The following FHIP1B variants were observed in gnomAD, a reference collection of about 807,000 sequenced individuals.
FHIP1B encodes FHF complex subunit HOOK interacting protein 1B.
FHIP1B carries 28 observed loss-of-function variants against 82.2 expected under a neutral mutation model. That is an observed-to-expected ratio of 0.34 (90% CI 0.25 to 0.47). The LOEUF (loss-of-function observed/expected upper bound fraction) is 0.47. Among genes scored for constraint, FHIP1B ranks in the 20% least tolerant of loss-of-function variants. The pLI, the probability that FHIP1B is intolerant of heterozygous loss-of-function variation, is 1.00. For synonymous variants in FHIP1B, 585 were observed against 516.1 expected (o/e 1.13, Z -1.81); for missense variants, 1,110 against 1,262.6 (o/e 0.88, Z 1.83).
At chr11:6,222,186 T>C (rs897123190) in intron 6 of FHIP1B, among the ~76,000 whole-genome samples, 4 of 152,072 alleles carry the variant, frequency 2.6e-5, no homozygotes, top group Non-Finnish European at 5.9e-5. Context: ...GCAAAACCTA[T>C]AGTCATGATG....
chr11:6,217,852 G>A lies in FHIP1B; in HGVS notation c.1734C>T (p.Gly578=), dbSNP rs765052657. The part of the protein sequence containing the change: ...ACRTWSAPYD[G]ERPSPEPSPF... ...GACTGGGCTCAGGAGAGGGCCGCTC[G>A]CCATCATAGGGGGCAGACCAGGTAC... Residue 578 remains glycine (G), a synonymous_variant, in exon 9 of 12, where the codon GGC becomes GGT. Coordinates refer to ENST00000449352, the MANE Select transcript of FHIP1B (RefSeq NM_001098794.2). 2 of 1,613,822 alleles carry A rather than the reference G, an allele frequency of 1.2e-6. No homozygotes were observed. The highest frequency in any genetic ancestry group is 8.5e-7 in the Non-Finnish European group (1 of 1,180,000).
At position 6,217,680 on chromosome 11, in the gene FHIP1B, TG is replaced by T; in HGVS notation, c.1905del (p.Asn636MetfsTer26). The T allele has an allele frequency of 6.2e-7, 1 of 1,613,668 alleles. No individual in the cohort carries two copies. Among genetic ancestry groups the T allele is most frequent in the South Asian group, 1.1e-5 (1 of 91,058 alleles). On this transcript the variant is annotated frameshift_variant, in exon 9 of 12. Coordinates refer to ENST00000449352, the MANE Select transcript of FHIP1B (RefSeq NM_001098794.2). LOFTEE classifies it high-confidence loss of function. ...TCAGGCCATGATCCTGGCACTCCATTGAGCTGGGGAGGGGGCAGGTGACCAG... is the reference window on the plus strand; with the variant it reads ...TCAGGCCATGATCCTGGCACTCCATTAGCTGGGGAGGGGGCAGGTGACCAG... ...EGPGHLPPPQ[L>X]NGVPGSWPEG...
At chr11:6,214,963 C>T (rs769337466) in intron 9 of FHIP1B, 52 bp from the exon 10 acceptor site, 4 of 1,447,614 alleles carry the variant, frequency 2.8e-6, no homozygotes, top group South Asian at 3.0e-5. Flanking sequence ...ACACAATGCA[C>T]ATCGCACGCA....
chr11:6,217,214 G>A (rs1847254806), intron 9 of FHIP1B, 157 bp downstream of exon 9: 1 of 731,782 alleles, frequency 1.4e-6, no homozygotes, highest in African/African-American at 1.7e-5. Flanking sequence ...ACACAAGTAT[G>A]ACATGACACG....
chr11:6,222,651 C>G, intron 5 of FHIP1B, 42 bp from the exon 6 acceptor site: 2 of 1,605,786 alleles, frequency 1.2e-6, no homozygotes, highest in Non-Finnish European at 1.7e-6. Flanking sequence ...CACAGCTTCC[C>G]TGCACATACA....
chr11:6,232,119 C>T (rs1460260387), intron 1 of FHIP1B, among the ~76,000 whole-genome samples: 2 of 152,214 alleles, frequency 1.3e-5, no homozygotes, highest in Admixed American at 1.3e-4. Context: ...TATGTTTCAT[C>T]CTCTCAGAAC....
intron 9 of FHIP1B, chr11:6,216,629 GAGGAGTT>G (rs1847234577): frequency 6.3e-6 from 1 of 159,586 alleles, no homozygotes; most frequent in Non-Finnish European, 1.4e-5. Flanking sequence ...CAAAAACAAA[GAGGAGTT>G]AGTCCAACCA....
chr11:6,226,564 A>AG (rs1316480491), intron 1 of FHIP1B, among the ~76,000 whole-genome samples: 5 of 152,362 alleles, frequency 3.3e-5, no homozygotes, highest in African/African-American at 1.2e-4. Context: ...AATTAAGCAG[A>AG]GAGCAGAGGG....
In FHIP1B at chr11:6,223,382, T is replaced by C; in HGVS notation, c.778-144A>G. On this transcript the variant is annotated intron_variant, in intron 3 of 11. Transcript: ENST00000449352. This position sits in a 1 kb window ranked among gnomAD's most constrained non-coding sequence, Gnocchi z 4.8. ...CAAGCATTTGCCTACCCAATGTGCC[T>C]GAAACTCACCTAGAATTCACAGGCC... 9.6e-7 allele frequency: 1 copy of C among 1,037,756 alleles called. No homozygotes were observed. Among genetic ancestry groups the C allele is most frequent in the Non-Finnish European group, 1.4e-6 (1 of 726,712 alleles). 64.3% of individuals were successfully genotyped at this position (1,037,756 alleles called of 1,614,324 possible). A position where few individuals can be genotyped will look rare whatever the true frequency, so the allele number is the denominator to read the frequency against.
At chr11:6,227,299 G>A (rs1002697615) in intron 1 of FHIP1B, among the ~76,000 whole-genome samples, 9 of 152,138 alleles carry the variant, frequency 5.9e-5, no homozygotes. Context: ...GGAAATCAAG[G>A]CCCAGAGAGG....
rs141051752 is a variant in FHIP1B at position 6,218,627 on chromosome 11, G to A, written c.1408C>T (p.Arg470Cys). 317 of 1,614,138 alleles carry A rather than the reference G, an allele frequency of 2.0e-4. No individual in the cohort carries two copies. Among genetic ancestry groups the A allele is most frequent in the Middle Eastern group, 8.2e-4 (5 of 6,062 alleles). The change falls in exon 8 of 12, where the codon CGT (arginine) becomes TGT (cysteine). Residue 470 changes from arginine (R) to cysteine (C), a missense_variant. Physicochemically the swap from Arg to Cys is radical, Grantham distance 180 (BLOSUM62 -3). Transcript: ENST00000449352. Reference protein sequence around the residue: ...CCRHHAPSPPRPEHASWARGP... With the variant: ...CCRHHAPSPPCPEHASWARGP... ...CGTGCCCATGAGGCATGCTCTGGACGAGGTGGGCTGGGGGCGTGGTGCCGA... is the reference window on the plus strand; with the variant it reads ...CGTGCCCATGAGGCATGCTCTGGACAAGGTGGGCTGGGGGCGTGGTGCCGA...
At chr11:6,212,535 A>T (rs1847101836) in intron 11 of FHIP1B, among the ~76,000 whole-genome samples, 1 of 152,192 alleles carries the variant, frequency 6.6e-6, no homozygotes, top group African/African-American at 2.4e-5. Context: ...CCTGCACCAA[A>T]GCCTCTCTCC....
rs1363436817 is a variant in FHIP1B at position 6,218,964 on chromosome 11, C to A, written c.1271+7G>T. ...CAGCCATCCCTCAGCCCTGCCCCAA[C>A]AGATACCTGAGAACCAGCTGCAGCA... is the stretch of plus-strand genomic sequence containing the variant. On this transcript the variant is annotated splice_region_variant and intron_variant, in intron 7 of 11. Coordinates refer to ENST00000449352, the MANE Select transcript of FHIP1B (RefSeq NM_001098794.2). 1.4e-5 allele frequency: 22 copies of A among 1,613,874 alleles called. No individual in the cohort carries two copies. Among genetic ancestry groups the A allele is most frequent in the Non-Finnish European group, 1.9e-5 (22 of 1,179,914 alleles).
In FHIP1B at chr11:6,211,704, G is replaced by A. The variant is rs761780365; in HGVS notation, c.2721C>T (p.Thr907=). Residue 907 remains threonine, a synonymous_variant, in exon 12 of 12, where the codon ACC becomes ACT. Transcript: ENST00000449352. ...CTTGGCGTTCAGGGGCCCCGCCCCG[G>A]GTGAGTAGAACTGGAGTTGAAGCCC... The part of the protein sequence containing the change: ...SPGASTPVLL[T]RGGAPERQGE... 7.4e-6 allele frequency: 12 copies of A among 1,614,226 alleles called. No homozygotes were observed. The highest frequency in any genetic ancestry group is 1.3e-5 in the African/African-American group (1 of 75,080).
chr11:6,228,122 T>C (rs1847608751), intron 1 of FHIP1B, among the ~76,000 whole-genome samples: 1 of 152,074 alleles, frequency 6.6e-6, no homozygotes, highest in South Asian at 2.1e-4. Flanking sequence ...CCAAGGCAGG[T>C]AGATCACTTG....
chr11:6,220,118 G>C, intron 6 of FHIP1B, among the ~76,000 whole-genome samples: 1 of 152,064 alleles, frequency 6.6e-6, no homozygotes, highest in East Asian at 1.9e-4. Context: ...TCGCAGATGT[G>C]AGTATCCTAG....
Position 6,217,626 on chromosome 11 carries a change from T to G in FHIP1B, c.1960A>C (p.Lys654Gln), listed in dbSNP as rs77795471. Residue 654 changes from lysine to glutamine, a missense_variant, in exon 9 of 12, where the codon AAG (lysine) becomes CAG (glutamine). By Grantham distance (53) the Lys-to-Gln change is moderately conservative (BLOSUM62 1). Around this residue, in one of 6 missense-constraint regions of FHIP1B, gnomAD observed 418 missense variants for 371.4 expected, o/e 1.13. Transcript: ENST00000449352. Reference protein sequence around the residue: ...EGAKKVRLVPKEGAGELLEGI... With the variant: ...EGAKKVRLVPQEGAGELLEGI... ...TCTAGCAGTTCCCCAGCTCCCTCCT[T>G]TGGCACCAGACGAACCTTCTTGGCC... 1.4e-3 allele frequency: 2,282 copies of G among 1,613,892 alleles called. 19 individuals are homozygous for G. In the African/African-American group the frequency reaches 0.024, roughly 17 times the overall value.
intron 1 of FHIP1B, among the ~76,000 whole-genome samples, chr11:6,227,367 A>G (rs1332695174): frequency 4.6e-5 from 7 of 152,368 alleles, no homozygotes; most frequent in African/African-American, 1.4e-4. Context: ...CAAATGCAGA[A>G]TATCTGCCTC....
chr11:6,232,570 T>C (rs771755064), intron 1 of FHIP1B, among the ~76,000 whole-genome samples: 9 of 152,360 alleles, frequency 5.9e-5, no homozygotes, highest in Non-Finnish European at 1.2e-4. Flanking sequence ...CTGTATGATC[T>C]CTGGCTACTG....
Sources: gnomAD v4.1 joint callset for allele counts (sites outside exome capture counted in the v4.1 genomes callset) on GRCh38, gnomAD v4.1.1 for gene constraint, gnomAD v4.1.1 regional missense constraint, Gnocchi (gnomAD v3.1) non-coding constraint, MANE v1.5 for transcripts, NCBI Gene and HGNC (gene_info 2026-07-23, HGNC 2026-07-21) for gene names.